Variants in YIPF4 observed in about 807,000 individuals in gnomAD.
The protein encoded by YIPF4 is protein YIPF4.
A neutral mutation model predicts 29.4 loss-of-function variants in YIPF4; 18 were observed. The ratio of observed to expected loss-of-function variants is 0.61; its 90% CI spans 0.42 to 0.91. YIPF4 has a LOEUF of 0.91. Among genes scored for constraint, YIPF4 ranks in the 40% least tolerant of loss-of-function variants. The pLI is 0.00. For synonymous variants in YIPF4, 115 were observed against 104.7 expected (o/e 1.10, Z -0.60); for missense variants, 279 against 282.7 (o/e 0.99, Z 0.09).
At chr2:32,294,390 G>C (rs1474003273) in intron 3 of YIPF4, among the ~76,000 whole-genome samples, 1 of 151,928 alleles carries the variant, frequency 6.6e-6, no homozygotes, top group Non-Finnish European at 1.5e-5. Context: ...TCCCAGACGT[G>C]GTCGCGGCCG....
Position 32,306,198 on chromosome 2 carries a change from A to G in YIPF4, c.*572A>G, listed in dbSNP as rs919872588. ...AATTTAAATTTGTTTTTAAAATTGT[A>G]TATAGTTTTTAAAATCTCACACATG... On this transcript the variant is annotated 3_prime_UTR_variant, in exon 6 of 6. Coordinates refer to ENST00000238831, the MANE Select transcript of YIPF4 (RefSeq NM_032312.4). 1.1e-6 allele frequency: 1 copy of G among 871,624 alleles called. No individual in the cohort carries two copies. The highest frequency in any genetic ancestry group is 1.4e-6 in the Non-Finnish European group (1 of 726,334). The allele number at this position is 871,624 out of a possible 1,614,324, so 54.0% of individuals were successfully genotyped here. A position where few individuals can be genotyped will look rare whatever the true frequency, so the allele number is the denominator to read the frequency against.
At chr2:32,295,568 A>T (rs926308566) in intron 3 of YIPF4, among the ~76,000 whole-genome samples, 1 of 151,928 alleles carries the variant, frequency 6.6e-6, no homozygotes, top group African/African-American at 2.4e-5. Flanking sequence ...CCATGATCAC[A>T]TTACCTTCCC....
At chr2:32,291,051 A>G (rs2030888865) in intron 2 of YIPF4, 2 of 152,388 alleles carry the variant, frequency 1.3e-5, no homozygotes, top group Non-Finnish European at 2.9e-5. Context: ...GGAGAGCTAC[A>G]TATAAAGAGG....
In YIPF4 at chr2:32,279,476, C is replaced by T. The variant is rs930030849; in HGVS notation, c.79+1242C>T. Among the ~76,000 whole-genome samples the T allele has an allele frequency of 3.8e-4, 53 of 137,968 alleles. 1 individual carries two copies. Among genetic ancestry groups the T allele is most frequent in the African/African-American group, 1.4e-3 (52 of 36,786 alleles). The allele number at this position is 137,968 out of a possible 152,430, so 90.5% of individuals were successfully genotyped here. Reference sequence around the variant, plus strand: ...GCAGTGATGCCATCTCGGCTCACTGCGAGCTCTGCCTCCCGGGTTCACGCC... The same window carrying T: ...GCAGTGATGCCATCTCGGCTCACTGTGAGCTCTGCCTCCCGGGTTCACGCC... On this transcript the variant is annotated intron_variant, in intron 1 of 5. Coordinates refer to ENST00000238831, the MANE Select transcript of YIPF4 (RefSeq NM_032312.4).
chr2:32,311,795 A>T lies in YIPF4; in HGVS notation c.*6169A>T, dbSNP rs2031721033. 6.6e-6 allele frequency: 1 copy of T among 152,234 alleles called. No homozygotes were observed. The highest frequency in any genetic ancestry group is 1.5e-5 in the Non-Finnish European group (1 of 68,028). The allele number at this position is 152,234 out of a possible 1,614,324, so 9.4% of individuals were successfully genotyped here. Reference sequence around the variant, plus strand: ...AAAAACCAAACAGAAGTATTTACACAAGAACAAGTGAAATTACACAAAATG... The same window carrying T: ...AAAAACCAAACAGAAGTATTTACACTAGAACAAGTGAAATTACACAAAATG... On this transcript the variant is annotated 3_prime_UTR_variant, in exon 6 of 6. Transcript: ENST00000238831.
chr2:32,311,010 C>T lies in YIPF4; in HGVS notation c.*5384C>T, dbSNP rs371881010. 2.0e-5 allele frequency: 3 copies of T among 152,134 alleles called. No homozygotes were observed. The highest frequency in any genetic ancestry group is 7.2e-5 in the African/African-American group (3 of 41,442). 9.4% of individuals were successfully genotyped at this position (152,134 alleles called of 1,614,324 possible). ...ATCTCTTGACACTCTTCAAGTAAAT[C>T]CCTAAATTACAACTTTGACATCAAA... is the stretch of plus-strand genomic sequence containing the variant. On this transcript the variant is annotated 3_prime_UTR_variant, in exon 6 of 6. Transcript: ENST00000238831.
intron 3 of YIPF4, among the ~76,000 whole-genome samples, chr2:32,296,486 GAAAA>G (rs1054999449): frequency 2.7e-5 from 4 of 150,444 alleles, no homozygotes; most frequent in Admixed American, 1.3e-4. Context: ...AAAAAAAAAG[GAAAA>G]AAAACCCCAG....
intron 1 of YIPF4, among the ~76,000 whole-genome samples, chr2:32,282,784 T>C (rs1226038578): frequency 6.6e-6 from 1 of 151,854 alleles, no homozygotes; most frequent in Non-Finnish European, 1.5e-5. Flanking sequence ...GGAATAAGAA[T>C]ACCCAAGTGC....
intron 5 of YIPF4, among the ~76,000 whole-genome samples, chr2:32,304,680 A>G (rs567095121): frequency 6.6e-6 from 1 of 152,284 alleles, no homozygotes; most frequent in Non-Finnish European, 1.5e-5. Flanking sequence ...TACGCAGCCT[A>G]AAACGTCAAT....
In YIPF4 at chr2:32,292,245, C is replaced by G. The variant is rs751221400; in HGVS notation, c.302C>G (p.Ser101Ter). The change falls in exon 3 of 6, where the codon TCA (serine) becomes TGA (stop). Residue 101 changes from serine to a stop codon, truncating the protein, a stop_gained. Transcript: ENST00000238831. LOFTEE classifies it high-confidence loss of function. ...CGATGTGTTTTGATGCCAATGCCAT[C>G]ACTTGGTTTTAATAGACAAGTGGTG... ...KIRCVLMPMPSLGFNRQVVRD... is the reference protein window; with the variant it reads ...KIRCVLMPMP The G allele has an allele frequency of 6.2e-7, 1 of 1,604,022 alleles. No individual in the cohort carries two copies. The highest frequency in any genetic ancestry group is 8.5e-7 in the Non-Finnish European group (1 of 1,174,534).
At chr2:32,295,511 C>G (rs2031144073) in intron 3 of YIPF4, among the ~76,000 whole-genome samples, 1 of 152,226 alleles carries the variant, frequency 6.6e-6, no homozygotes, top group Admixed American at 6.5e-5. Context: ...CTTCCAGAGG[C>G]TGCCAGCATT....
chr2:32,303,384 A>C (rs2031470475), intron 5 of YIPF4, among the ~76,000 whole-genome samples: 1 of 152,194 alleles, frequency 6.6e-6, no homozygotes, highest in African/African-American at 2.4e-5. Flanking sequence ...CTTGGCACAG[A>C]GTAGGCACTC....
At chr2:32,279,900 CTT>C (rs763736310) in intron 1 of YIPF4, among the ~76,000 whole-genome samples, 27 of 127,516 alleles carry the variant, frequency 2.1e-4, no homozygotes, top group Admixed American at 3.9e-4. Context: ...CTCTTATGTT[CTT>C]TTTTTTTTTT....
chr2:32,278,114 C>T lies in YIPF4; in HGVS notation c.-42C>T. On this transcript the variant is annotated 5_prime_UTR_variant, in exon 1 of 6. Transcript: ENST00000238831. ...CGGCCGCCTCGGGGTCTGGGCCCAGCCGCAGCCTCTTCTACCGCGGCCGGT... is the reference window on the plus strand; with the variant it reads ...CGGCCGCCTCGGGGTCTGGGCCCAGTCGCAGCCTCTTCTACCGCGGCCGGT... 2 of 1,531,218 alleles carry T rather than the reference C, an allele frequency of 1.3e-6. No individual in the cohort carries two copies. Among genetic ancestry groups the T allele is most frequent in the Non-Finnish European group, 1.8e-6 (2 of 1,136,540 alleles). 94.9% of individuals were successfully genotyped at this position (1,531,218 alleles called of 1,614,324 possible).
chr2:32,285,099 T>A (rs1264012007), intron 1 of YIPF4, among the ~76,000 whole-genome samples: 2 of 152,082 alleles, frequency 1.3e-5, no homozygotes, highest in Non-Finnish European at 2.9e-5. Context: ...GAGTTGATGG[T>A]TTGCATGAGC....
At chr2:32,285,883 A>G (rs1041781420) in intron 1 of YIPF4, among the ~76,000 whole-genome samples, 2 of 152,042 alleles carry the variant, frequency 1.3e-5, no homozygotes, top group South Asian at 2.1e-4. Context: ...CTCGAAGTCT[A>G]TGATTCCTAC....
chr2:32,302,403 G>A (rs1247161645), intron 5 of YIPF4, among the ~76,000 whole-genome samples: 1 of 152,072 alleles, frequency 6.6e-6, no homozygotes, highest in African/African-American at 2.4e-5. Context: ...GACAGATTTT[G>A]AGGGGGATAT....
intron 4 of YIPF4, among the ~76,000 whole-genome samples, chr2:32,298,534 C>A (rs1042864606): frequency 2.0e-5 from 3 of 151,910 alleles, no homozygotes; most frequent in Middle Eastern, 3.4e-3. Context: ...GTAATTGCAG[C>A]CTTTTAGGGA....
chr2:32,285,319 T>C (rs2030617339), intron 1 of YIPF4, among the ~76,000 whole-genome samples: 1 of 152,188 alleles, frequency 6.6e-6, no homozygotes. Context: ...AGTTTTGGAA[T>C]ATTGAATTTT....
Sources: gnomAD v4.1 joint callset for allele counts (sites outside exome capture counted in the v4.1 genomes callset) on GRCh38, gnomAD v4.1.1 for gene constraint, MANE v1.5 for transcripts, NCBI Gene and HGNC (gene_info 2026-07-23, HGNC 2026-07-21) for gene names.